The following DEXI variants were observed in gnomAD, a reference collection of about 807,000 sequenced individuals.
The protein encoded by DEXI is Dexi homolog.
A neutral mutation model predicts 2.5 loss-of-function variants in DEXI; 2 were observed. The ratio of observed to expected loss-of-function variants is 0.81; its 90% CI spans 0.33 to 2.55. The LOEUF (loss-of-function observed/expected upper bound fraction) is 2.55. Among genes scored for constraint, DEXI ranks in the 30% most tolerant of loss-of-function variants. DEXI has a pLI of 0.11. For synonymous variants in DEXI, 71 were observed against 68.7 expected (o/e 1.03, Z -0.17); for missense variants, 108 against 130.3 (o/e 0.83, Z 0.83).
chr16:10,941,944 G>C lies in DEXI; in HGVS notation c.62C>G (p.Pro21Arg). The change falls in exon 1 of 2, where the codon CCG becomes CGG. Residue 21 changes from proline to arginine, a missense_variant. Pro to Arg is a moderately radical substitution (Grantham distance 103, BLOSUM62 -2). Transcript: ENST00000331808. This position sits in a 1 kb window ranked among gnomAD's most constrained non-coding sequence, Gnocchi z 6.4. ...DALGPLVPYVPPPLLPSMFYV... is the reference protein window; with the variant it reads ...DALGPLVPYVRPPLLPSMFYV... ...GAACATAGAGGGCAGCAGCGGCGGC[G>C]GCACGTAGGGGACCAGGGGGCCCAG... 1.3e-6 allele frequency: 2 copies of C among 1,577,282 alleles called. No individual in the cohort carries two copies. Among genetic ancestry groups the C allele is most frequent in the Non-Finnish European group, 1.7e-6 (2 of 1,162,608 alleles).
At chr16:10,930,780 G>C (rs1256681120) in intron 1 of DEXI, 2 of 152,258 alleles carry the variant, frequency 1.3e-5, no homozygotes, top group Non-Finnish European at 2.9e-5. Context: ...CTTGCAGGTC[G>C]ACCTGCCCTT....
In DEXI at chr16:10,938,193, A is replaced by G. The variant is rs2041055641; in HGVS notation, c.*149+3376T>C. On this transcript the variant is annotated intron_variant, in intron 1 of 1. Transcript: ENST00000331808. The surrounding 1 kb of genome is among the most constrained non-coding windows in gnomAD (Gnocchi z 4.9). ...AACAAGGGAGATTTTCATTATTTCC[A>G]TCTTCTAGAAGAGGAAACCAAAGTA... 2 of 152,082 alleles carry G rather than the reference A, an allele frequency of 1.3e-5. No homozygotes were observed. The highest frequency in any genetic ancestry group is 1.9e-4 in the East Asian group (1 of 5,184). 9.4% of individuals were successfully genotyped at this position (152,082 alleles called of 1,614,324 possible).
In DEXI at chr16:10,941,676, G is replaced by T; in HGVS notation, c.*42C>A. On this transcript the variant is annotated 3_prime_UTR_variant, in exon 1 of 2. Coordinates refer to ENST00000331808, the MANE Select transcript of DEXI (RefSeq NM_014015.4). This position sits in a 1 kb window ranked among gnomAD's most constrained non-coding sequence, Gnocchi z 6.4. ...TCTGGGCGGCTGGTCCAGGGCATGG[G>T]TTGCGGATCGTGTAGGGAAGAGGGG... 1 of 1,566,686 alleles carries T rather than the reference G, an allele frequency of 6.4e-7. No individual in the cohort carries two copies. Among genetic ancestry groups the T allele is most frequent in the Non-Finnish European group, 8.7e-7 (1 of 1,153,668 alleles).
chr16:10,941,734 T>C lies in DEXI; in HGVS notation c.272A>G (p.Asp91Gly), dbSNP rs759542243. Residue 91 changes from aspartate (D) to glycine (G), a missense_variant, in exon 1 of 2, where the codon GAT becomes GGT. Coordinates refer to ENST00000331808, the MANE Select transcript of DEXI (RefSeq NM_014015.4). This position sits in a 1 kb window ranked among gnomAD's most constrained non-coding sequence, Gnocchi z 6.4. ...GTCGAGACCCTACTCCAAGTACGCATCAAAGACGTCGAGCTCCGAGTCAGC... is the reference window on the plus strand; with the variant it reads ...GTCGAGACCCTACTCCAAGTACGCACCAAAGACGTCGAGCTCCGAGTCAGC... ...YDADSELDVF[D>G]AYLE 2 of 1,610,044 alleles carry C rather than the reference T, an allele frequency of 1.2e-6. No individual in the cohort carries two copies. Among genetic ancestry groups the C allele is most frequent in the Non-Finnish European group, 1.7e-6 (2 of 1,178,154 alleles).
rs1289611929 is a variant in DEXI, at chr16:10,929,286, G to C, written c.*423C>G. Reference sequence around the variant, plus strand: ...AAGTGTCCTCTCCGAAGGTGAAGTGGGGGAAGCAGGTGCGCTCCGGGATGA... The same window carrying C: ...AAGTGTCCTCTCCGAAGGTGAAGTGCGGGAAGCAGGTGCGCTCCGGGATGA... On this transcript the variant is annotated 3_prime_UTR_variant, in exon 2 of 2. Coordinates refer to ENST00000331808, the MANE Select transcript of DEXI (RefSeq NM_014015.4). The surrounding 1 kb of genome is among the most constrained non-coding windows in gnomAD (Gnocchi z 4.3). The C allele has an allele frequency of 1.9e-5, 19 of 985,960 alleles. No individual in the cohort carries two copies. The highest frequency in any genetic ancestry group is 2.2e-5 in the Non-Finnish European group (18 of 829,978). The allele number at this position is 985,960 out of a possible 1,614,324, so 61.1% of individuals were successfully genotyped here.
chr16:10,935,531 A>T (rs1057457901), intron 1 of DEXI: 1 of 152,256 alleles, frequency 6.6e-6, no homozygotes, highest in Non-Finnish European at 1.5e-5. Flanking sequence ...AAATTCACAT[A>T]AAAAAGTAGT....
At position 10,941,503 on chromosome 16, in the gene DEXI, G is replaced by C. The variant is rs2041101700; in HGVS notation, c.*149+66C>G. ...GAGGGAGGGGTGTGTATCCGGCCTG[G>C]GAATTCCTCCCTCTCCCTTGCTAGC... On this transcript the variant is annotated intron_variant, in intron 1 of 1. Transcript: ENST00000331808. The surrounding 1 kb of genome is among the most constrained non-coding windows in gnomAD (Gnocchi z 6.4). 1 of 1,368,406 alleles carries C rather than the reference G, an allele frequency of 7.3e-7. No homozygotes were observed. Among genetic ancestry groups the C allele is most frequent in the African/African-American group, 1.5e-5 (1 of 67,614 alleles). 84.8% of individuals were successfully genotyped at this position (1,368,406 alleles called of 1,614,324 possible). A position where few individuals can be genotyped will look rare whatever the true frequency, so the allele number is the denominator to read the frequency against.
At chr16:10,933,343 G>C (rs377196083) in intron 1 of DEXI, 6 of 152,318 alleles carry the variant, frequency 3.9e-5, no homozygotes, top group Admixed American at 3.3e-4. Context: ...TGGCCCTGGC[G>C]TTTTACGCGC....
rs2041110396 is a variant in DEXI at position 10,942,075 on chromosome 16, G to A, written c.-70C>T. On this transcript the variant is annotated 5_prime_UTR_variant, in exon 1 of 2. Coordinates refer to ENST00000331808, the MANE Select transcript of DEXI (RefSeq NM_014015.4). The surrounding 1 kb of genome is among the most constrained non-coding windows in gnomAD (Gnocchi z 5.0). ...AGCCGCTGCGGCGCCCGGGCGGCCGGCGAGGGCACAGCGCAGCCATCCAGG... is the reference window on the plus strand; with the variant it reads ...AGCCGCTGCGGCGCCCGGGCGGCCGACGAGGGCACAGCGCAGCCATCCAGG... The A allele has an allele frequency of 7.8e-7, 1 of 1,278,296 alleles. No individual in the cohort carries two copies. The highest frequency in any genetic ancestry group is 1.0e-6 in the Non-Finnish European group (1 of 997,628). The allele number at this position is 1,278,296 out of a possible 1,614,324, so 79.2% of individuals were successfully genotyped here.
intron 1 of DEXI, chr16:10,933,103 A>T (rs1246373000): frequency 3.3e-5 from 5 of 152,212 alleles, no homozygotes; most frequent in African/African-American, 1.2e-4. Flanking sequence ...TTCTGACATC[A>T]TCAGAGCACA....
Position 10,942,032 on chromosome 16 carries a change from G to C in DEXI, c.-27C>G. On this transcript the variant is annotated 5_prime_UTR_variant, in exon 1 of 2. Transcript: ENST00000331808. This position sits in a 1 kb window ranked among gnomAD's most constrained non-coding sequence, Gnocchi z 5.0. Reference sequence around the variant, plus strand: ...CAGCGGGTGGCAAGGGCGGCGGCCCGGCGATCCCGGCGAACTCAGCCGCTG... The same window carrying C: ...CAGCGGGTGGCAAGGGCGGCGGCCCCGCGATCCCGGCGAACTCAGCCGCTG... 7.3e-7 allele frequency: 1 copy of C among 1,372,786 alleles called. No homozygotes were observed. Among genetic ancestry groups the C allele is most frequent in the Non-Finnish European group, 9.4e-7 (1 of 1,065,020 alleles). 85.0% of individuals were successfully genotyped at this position (1,372,786 alleles called of 1,614,324 possible).
In DEXI at chr16:10,941,795, C is replaced by G; in HGVS notation, c.211G>C (p.Gly71Arg). ...CCCGAGCCGGGGTCGGAGAGCACGCCGAGGTCCACGAGCGCCTGGTCCATG... is the reference window on the plus strand; with the variant it reads ...CCCGAGCCGGGGTCGGAGAGCACGCGGAGGTCCACGAGCGCCTGGTCCATG... ...EDMDQALVDL[G>R]VLSDPGSGLY... Residue 71 changes from glycine (G) to arginine (R), a missense_variant, in exon 1 of 2, where the codon GGC (glycine) becomes CGC (arginine). By Grantham distance (125) the Gly-to-Arg change is moderately radical. Coordinates refer to ENST00000331808, the MANE Select transcript of DEXI (RefSeq NM_014015.4). The surrounding 1 kb of genome is among the most constrained non-coding windows in gnomAD (Gnocchi z 6.4). 3 of 1,613,634 alleles carry G rather than the reference C, an allele frequency of 1.9e-6. No individual in the cohort carries two copies. In the South Asian group the frequency reaches 3.3e-5, roughly 18 times the overall value.
intron 1 of DEXI, chr16:10,932,333 T>C (rs1829868715): frequency 6.6e-6 from 1 of 152,276 alleles, no homozygotes. Flanking sequence ...CTCGAACTCA[T>C]GTCTTAACTC....
In DEXI at chr16:10,940,090, T is replaced by A. The variant is rs576820045; in HGVS notation, c.*149+1479A>T. On this transcript the variant is annotated intron_variant, in intron 1 of 1. Transcript: ENST00000331808. This position sits in a 1 kb window ranked among gnomAD's most constrained non-coding sequence, Gnocchi z 4.2. ...AGCTTTTTCTTCAAAGAAATCTCAC[T>A]GTGAACCCATTAGGAGAGCCCTCTG... The A allele has an allele frequency of 6.6e-6, 1 of 152,424 alleles. No individual in the cohort carries two copies. The highest frequency in any genetic ancestry group is 6.5e-5 in the Admixed American group (1 of 15,312). The allele number at this position is 152,424 out of a possible 1,614,324, so 9.4% of individuals were successfully genotyped here.
Position 10,937,349 on chromosome 16 carries a change from C to T in DEXI, c.*149+4220G>A, listed in dbSNP as rs2041043081. ...TCCCATAACTCAAATCTGACTGTGT[C>T]CCTGTGGAAGGTTTGGGTTTCTGAC... is the stretch of plus-strand genomic sequence containing the variant. On this transcript the variant is annotated intron_variant, in intron 1 of 1. Coordinates refer to ENST00000331808, the MANE Select transcript of DEXI (RefSeq NM_014015.4). This position sits in a 1 kb window ranked among gnomAD's most constrained non-coding sequence, Gnocchi z 4.2. The T allele has an allele frequency of 6.6e-6, 1 of 152,332 alleles. No homozygotes were observed. The highest frequency in any genetic ancestry group is 2.4e-5 in the African/African-American group (1 of 41,436). The allele number at this position is 152,332 out of a possible 1,614,324, so 9.4% of individuals were successfully genotyped here. A position where few individuals can be genotyped will look rare whatever the true frequency, so the allele number is the denominator to read the frequency against.
intron 1 of DEXI, chr16:10,932,424 T>G (rs2040836468): frequency 6.6e-6 from 1 of 152,054 alleles, no homozygotes; most frequent in South Asian, 2.1e-4. Context: ...CTCAGAGAGG[T>G]TAAGCAAGCC....
At position 10,929,224 on chromosome 16, in the gene DEXI, G is replaced by A. The variant is rs914353414; in HGVS notation, c.*485C>T. 42 of 985,738 alleles carry A rather than the reference G, an allele frequency of 4.3e-5. No homozygotes were observed. Among genetic ancestry groups the A allele is most frequent in the Admixed American group, 6.2e-5 (1 of 16,260 alleles). The allele number at this position is 985,738 out of a possible 1,614,324, so 61.1% of individuals were successfully genotyped here. On this transcript the variant is annotated 3_prime_UTR_variant, in exon 2 of 2. Transcript: ENST00000331808. The surrounding 1 kb of genome is among the most constrained non-coding windows in gnomAD (Gnocchi z 4.3). ...CCTGAAGGCTCAACTCACATCAAAC[G>A]GAGCTGGGAGTCGCTTTTGCGTGTG... is the stretch of plus-strand genomic sequence containing the variant.
chr16:10,932,419 A>G (rs1466431886), intron 1 of DEXI: 1 of 152,156 alleles, frequency 6.6e-6, no homozygotes, highest in Non-Finnish European at 1.5e-5. Flanking sequence ...TGGAGCTCAG[A>G]GAGGTTAAGC....
In DEXI at chr16:10,942,157, C is replaced by G. The variant is rs563938600; in HGVS notation, c.-152G>C. 1.7e-6 allele frequency: 1 copy of G among 580,896 alleles called. No individual in the cohort carries two copies. The highest frequency in any genetic ancestry group is 2.0e-5 in the African/African-American group (1 of 50,412). The allele number at this position is 580,896 out of a possible 1,614,324, so 36.0% of individuals were successfully genotyped here. ...GGCTCCAGATGTCCCCTGGCAATTGCGCCCCGACCCCCGAAATGCGCCGGG... is the reference window on the plus strand; with the variant it reads ...GGCTCCAGATGTCCCCTGGCAATTGGGCCCCGACCCCCGAAATGCGCCGGG... On this transcript the variant is annotated 5_prime_UTR_variant, in exon 1 of 2. Coordinates refer to ENST00000331808, the MANE Select transcript of DEXI (RefSeq NM_014015.4). This position sits in a 1 kb window ranked among gnomAD's most constrained non-coding sequence, Gnocchi z 5.0.
Sources: allele counts gnomAD v4.1 joint callset, GRCh38; gene constraint gnomAD v4.1.1; non-coding constraint Gnocchi (gnomAD v3.1); transcripts MANE v1.5; gene names NCBI Gene and HGNC (gene_info 2026-07-23, HGNC 2026-07-21).